TTLL5: variants seen among roughly 807,000 people sequenced by gnomAD.
The protein encoded by TTLL5 is tubulin polyglutamylase TTLL5.
TTLL5 carries 132 observed loss-of-function variants against 168.4 expected under a neutral mutation model. The ratio of observed to expected loss-of-function variants is 0.78; its 90% CI spans 0.68 to 0.91. The LOEUF is 0.91. Among genes scored for constraint, TTLL5 ranks in the 40% least tolerant of loss-of-function variants. The probability of loss-of-function intolerance (pLI) is 0.00; values close to 1 mark genes in which losing one functional copy is unlikely to be tolerated. For synonymous variants in TTLL5, 546 were observed against 558.6 expected, an observed-to-expected ratio of 0.98 and a Z score of 0.32; for missense variants, 1,545 against 1,581.5, an observed-to-expected ratio of 0.98 and a Z score of 0.39.
At position 75,667,751 on chromosome 14, in the gene TTLL5, G is replaced by GTTTTTTTTTTTTT. The variant is rs67181555; in HGVS notation, c.75-1652_75-1640dup. 1.7e-3 allele frequency among the ~76,000 whole-genome samples: 152 copies of GTTTTTTTTTTTTT among 89,096 alleles called. 3 individuals carry two copies. The highest frequency in any genetic ancestry group is 2.6e-3 in the East Asian group (7 of 2,694). 58.5% of individuals were successfully genotyped at this position (89,096 alleles called of 152,430 possible). ...GCATTCAGAGTGTGGATCTTTTTAT[G>GTTTTTTTTTTTTT]TTTTTTTTTTTTTTTTTTTTTTTTT... is the stretch of plus-strand genomic sequence containing the variant. On this transcript the variant is annotated intron_variant, in intron 2 of 31. Transcript: ENST00000298832.
At chr14:75,884,869 T>C (rs968140529) in intron 30 of TTLL5, among the ~76,000 whole-genome samples, 5 of 141,220 alleles carry the variant, frequency 3.5e-5, no homozygotes, top group Non-Finnish European at 7.8e-5. Flanking sequence ...CTGATAAAGT[T>C]AAAAAAAAAA....
intron 22 of TTLL5, 84 bp downstream of exon 22, chr14:75,775,714 A>G (rs967471225): frequency 1.8e-5 from 27 of 1,503,762 alleles, no homozygotes; most frequent in East Asian, 1.1e-4. Flanking sequence ...GTCCAACTGG[A>G]TGGAGACACT....
chr14:75,831,527 C>T (rs1895564272), intron 28 of TTLL5, among the ~76,000 whole-genome samples: 1 of 152,178 alleles, frequency 6.6e-6, no homozygotes, highest in South Asian at 2.1e-4. Context: ...CCGCCACCCC[C>T]ACCTGCCTGG....
chr14:75,760,878 A>G (rs1890593707), intron 18 of TTLL5, among the ~76,000 whole-genome samples: 1 of 152,172 alleles, frequency 6.6e-6, no homozygotes, highest in African/African-American at 2.4e-5. Context: ...AAAGCAATAA[A>G]AAACAAATAA....
At chr14:75,889,666 A>G (rs1300764861) in intron 30 of TTLL5, among the ~76,000 whole-genome samples, 1 of 152,056 alleles carries the variant, frequency 6.6e-6, no homozygotes. Context: ...CGTCTCTACC[A>G]AAATATACAA....
chr14:75,771,694 C>T, intron 20 of TTLL5, 40 bp from the exon 21 acceptor site: 1 of 1,611,562 alleles, frequency 6.2e-7, no homozygotes, highest in South Asian at 1.1e-5. Flanking sequence ...TAGTTTTACA[C>T]TTCTGTCACA....
At chr14:75,884,344 G>A (rs560959615) in intron 30 of TTLL5, among the ~76,000 whole-genome samples, 1 of 152,208 alleles carries the variant, frequency 6.6e-6, no homozygotes, top group Non-Finnish European at 1.5e-5. Context: ...TGGCCTGTGT[G>A]GCTAGCTGGT....
chr14:75,792,897 C>T lies in TTLL5; in HGVS notation c.2987-19C>T. The stretch of plus-strand genomic sequence containing the variant: ...CCTTTTTTTCCTAAATGAGTGAAAA[C>T]TTTTCTCCGTTTTAGCAGGATCGTG... On this transcript the variant is annotated intron_variant, in intron 26 of 31. Coordinates refer to ENST00000298832, the MANE Select transcript of TTLL5 (RefSeq NM_015072.5). 1 of 1,514,860 alleles carries T rather than the reference C, an allele frequency of 6.6e-7. No homozygotes were observed. The highest frequency in any genetic ancestry group is 8.9e-7 in the Non-Finnish European group (1 of 1,124,042). 93.8% of individuals were successfully genotyped at this position (1,514,860 alleles called of 1,614,324 possible).
At chr14:75,788,823 T>G (rs1370386417) in intron 26 of TTLL5, among the ~76,000 whole-genome samples, 1 of 152,150 alleles carries the variant, frequency 6.6e-6, no homozygotes, top group African/African-American at 2.4e-5. Context: ...AGACTGGCTT[T>G]ATTTATTAAC....
intron 15 of TTLL5, among the ~76,000 whole-genome samples, chr14:75,736,607 A>G (rs1021559193): frequency 6.6e-6 from 1 of 152,134 alleles, no homozygotes; most frequent in East Asian, 1.9e-4. Context: ...GTGTTATGAG[A>G]TCTTGCTATT....
intron 13 of TTLL5, 101 bp downstream of exon 13, chr14:75,732,520 T>C: frequency 9.8e-7 from 1 of 1,018,484 alleles, no homozygotes; most frequent in African/African-American, 1.6e-5. Context: ...AGACTGTTTT[T>C]TTCCTAGTTA....
chr14:75,676,786 T>C (rs919175647), intron 3 of TTLL5, among the ~76,000 whole-genome samples: 5 of 151,472 alleles, frequency 3.3e-5, no homozygotes, highest in Admixed American at 6.6e-5. Flanking sequence ...TTTTTTTTTT[T>C]CTGAAACAGG....
At chr14:75,839,838 A>T (rs751860788) in intron 28 of TTLL5, among the ~76,000 whole-genome samples, 1 of 152,138 alleles carries the variant, frequency 6.6e-6, no homozygotes, top group Admixed American at 6.5e-5. Flanking sequence ...CATGTTTTTG[A>T]TGCTTATTGG....
At chr14:75,868,650 G>A (rs2030738346) in intron 29 of TTLL5, among the ~76,000 whole-genome samples, 2 of 152,194 alleles carry the variant, frequency 1.3e-5, no homozygotes, top group South Asian at 4.1e-4. Flanking sequence ...AATGCTGTGT[G>A]TGTATATACA....
At chr14:75,708,286 GTT>G in intron 9 of TTLL5, among the ~76,000 whole-genome samples, 1 of 141,958 alleles carries the variant, frequency 7.0e-6, no homozygotes, top group African/African-American at 2.6e-5. Context: ...TTAATTGAGG[GTT>G]TTTTTTTTTT....
intron 28 of TTLL5, among the ~76,000 whole-genome samples, chr14:75,821,910 C>T (rs956712629): frequency 6.6e-6 from 1 of 152,196 alleles, no homozygotes; most frequent in African/African-American, 2.4e-5. Context: ...CCTCTTCAAA[C>T]ACAAGAGCCA....
At position 75,882,787 on chromosome 14, in the gene TTLL5, A is replaced by G; in HGVS notation, c.3625A>G (p.Thr1209Ala). ...TGCCACAGCTAGTGGCCAGAAGCCA[A>G]CCACTCTGCCACAAAAAGTGGTACC... ...SSATASGQKP[T>A]TLPQKVVPPP... Residue 1209 changes from threonine (T) to alanine (A), a missense_variant, in exon 30 of 32, where the codon ACC (threonine) becomes GCC (alanine). Coordinates refer to ENST00000298832, the MANE Select transcript of TTLL5 (RefSeq NM_015072.5). 1 of 1,614,106 alleles carries G rather than the reference A, an allele frequency of 6.2e-7. No homozygotes were observed. Among genetic ancestry groups the G allele is most frequent in the Non-Finnish European group, 8.5e-7 (1 of 1,180,008 alleles).
chr14:75,745,983 A>G (rs1370559492), intron 17 of TTLL5, among the ~76,000 whole-genome samples: 2 of 152,202 alleles, frequency 1.3e-5, no homozygotes, highest in Non-Finnish European at 2.9e-5. Context: ...TTTTGGCAAC[A>G]ATAGGCACCA....
At chr14:75,667,758 T>TG (rs1883385952) in intron 2 of TTLL5, among the ~76,000 whole-genome samples, 1 of 142,248 alleles carries the variant, frequency 7.0e-6, no homozygotes. Flanking sequence ...TATGTTTTTT[T>TG]TTTTTTTTTT....
Sources: gnomAD v4.1 joint callset for allele counts (sites outside exome capture counted in the v4.1 genomes callset) on GRCh38, gnomAD v4.1.1 for gene constraint, MANE v1.5 for transcripts, NCBI Gene and HGNC (gene_info 2026-07-23, HGNC 2026-07-21) for gene names.